Variants in EPHA2 observed in about 807,000 individuals in gnomAD.
The protein encoded by EPHA2 is ephrin type-A receptor 2.
Under a neutral mutation model 104.9 loss-of-function variants are expected in EPHA2, and 54 were observed. The observed-to-expected ratio is 0.51, with a 90% confidence interval of 0.41 to 0.65. The LOEUF (loss-of-function observed/expected upper bound fraction) is 0.65. EPHA2 is among the 30% of genes least tolerant of loss of function. The probability of loss-of-function intolerance (pLI) is 0.00; values close to 1 mark genes in which losing one functional copy is unlikely to be tolerated. For synonymous variants in EPHA2, 560 were observed against 559.1 expected (o/e 1.00, Z -0.02); for missense variants, 1,117 against 1,369.5 (o/e 0.82, Z 2.91).
At chr1:16,133,783 C>T in intron 9 of EPHA2, 77 bp downstream of exon 9, 1 of 1,496,384 alleles carries the variant, frequency 6.7e-7, no homozygotes, top group Admixed American at 2.2e-5. Flanking sequence ...TGGGAACACC[C>T]TGGCTGCCCC....
chr1:16,134,040 C>T lies in EPHA2; in HGVS notation c.1683-125G>A, dbSNP rs529445577. 8.8e-5 allele frequency: 84 copies of T among 953,024 alleles called. No homozygotes were observed. In the African/African-American group the frequency reaches 1.1e-3, roughly 13 times the overall value. 59.0% of individuals were successfully genotyped at this position (953,024 alleles called of 1,614,324 possible). On this transcript the variant is annotated intron_variant, in intron 8 of 16. Transcript: ENST00000358432. The surrounding 1 kb of genome is among the most constrained non-coding windows in gnomAD (Gnocchi z 4.5). ...GGTGCTCAGAATGCGGCCCAGTCCCCGCTTTTGCTGCCCAAGCTCCACTCT... is the reference window on the plus strand; with the variant it reads ...GGTGCTCAGAATGCGGCCCAGTCCCTGCTTTTGCTGCCCAAGCTCCACTCT...
chr1:16,155,057 G>A (rs996849213), intron 1 of EPHA2, among the ~76,000 whole-genome samples: 16 of 152,068 alleles, frequency 1.1e-4, no homozygotes, highest in Non-Finnish European at 1.9e-4. Flanking sequence ...ACACTGGGGC[G>A]GGGGTGGGTG....
At chr1:16,132,607 G>A (rs1000430607) in intron 11 of EPHA2, among the ~76,000 whole-genome samples, 168 bp from the exon 12 acceptor site, 2 of 147,080 alleles carry the variant, frequency 1.4e-5, no homozygotes, top group South Asian at 2.2e-4. Context: ...AGAGGTGTGG[G>A]GAAAGCTGGG....
At position 16,135,279 on chromosome 1, in the gene EPHA2, G is replaced by C. The variant is rs1252156254; in HGVS notation, c.1429-90C>G. On this transcript the variant is annotated intron_variant, in intron 6 of 16. Transcript: ENST00000358432. The surrounding 1 kb of genome is among the most constrained non-coding windows in gnomAD (Gnocchi z 4.3). Reference sequence around the variant, plus strand: ...GCTGGAGACCACCCCAAGCTAGCAAGGTGGCTTGCCTTTGTTAGCAAACTT... The same window carrying C: ...GCTGGAGACCACCCCAAGCTAGCAACGTGGCTTGCCTTTGTTAGCAAACTT... 1 of 1,566,722 alleles carries C rather than the reference G, an allele frequency of 6.4e-7. No homozygotes were observed. Among genetic ancestry groups the C allele is most frequent in the Admixed American group, 1.7e-5 (1 of 58,936 alleles).
chr1:16,133,682 G>A, intron 9 of EPHA2, 76 bp from the exon 10 acceptor site: 2 of 1,599,530 alleles, frequency 1.3e-6, no homozygotes, highest in South Asian at 1.1e-5. Context: ...CAGAGGAGAA[G>A]GTCACGTGAT....
chr1:16,143,208 A>T (rs1034724251), intron 3 of EPHA2, among the ~76,000 whole-genome samples: 1 of 135,882 alleles, frequency 7.4e-6, no homozygotes, highest in East Asian at 2.4e-4. Context: ...GGATGGATGT[A>T]GGGGTGGATG....
intron 11 of EPHA2, 180 bp downstream of exon 11, chr1:16,133,000 G>A (rs1381978712): frequency 1.3e-6 from 1 of 771,852 alleles, no homozygotes. Flanking sequence ...GGGGGAAGGT[G>A]GGCACAGGTG....
chr1:16,149,822 C>A (rs187716880), intron 2 of EPHA2, among the ~76,000 whole-genome samples: 1 of 152,326 alleles, frequency 6.6e-6, no homozygotes, highest in East Asian at 1.9e-4. Flanking sequence ...CCAGAGTCTG[C>A]ATCTAATTCA....
intron 1 of EPHA2, among the ~76,000 whole-genome samples, chr1:16,154,376 C>T (rs2025107515): frequency 6.6e-6 from 1 of 152,142 alleles, no homozygotes; most frequent in African/African-American, 2.4e-5. Context: ...CAACACCTGC[C>T]ACTGCCCAAC....
chr1:16,132,321 G>A (rs1347602329), intron 12 of EPHA2, 48 bp from the exon 13 acceptor site: 1 of 1,613,976 alleles, frequency 6.2e-7, no homozygotes, highest in Admixed American at 1.7e-5. Flanking sequence ...GAACCCGCCA[G>A]GCCAGCCCCG....
At chr1:16,143,698 A>G (rs1434844760) in intron 3 of EPHA2, among the ~76,000 whole-genome samples, 3 of 152,126 alleles carry the variant, frequency 2.0e-5, no homozygotes, top group Non-Finnish European at 4.4e-5. Context: ...TGAGGTCAAG[A>G]GGTCATGGTG....
In EPHA2 at chr1:16,155,997, C is replaced by T; in HGVS notation, c.-65G>A. 3.0e-6 allele frequency: 4 copies of T among 1,354,422 alleles called. 1 individual carries two copies. The highest frequency in any genetic ancestry group is 5.2e-4 in the Middle Eastern group (2 of 3,848). 83.9% of individuals were successfully genotyped at this position (1,354,422 alleles called of 1,614,324 possible). On this transcript the variant is annotated 5_prime_UTR_variant, in exon 1 of 17. In the 5' UTR this introduces an upstream ATG that the reference lacks. Coordinates refer to ENST00000358432, the MANE Select transcript of EPHA2 (RefSeq NM_004431.5). ...GCTCCCGCACACCCGCACGCCTGCA[C>T]GCCGGCCTCGGTGTCCGCTCCCGCC...
At chr1:16,141,396 T>C (rs2024822092) in intron 3 of EPHA2, among the ~76,000 whole-genome samples, 1 of 152,220 alleles carries the variant, frequency 6.6e-6, no homozygotes. Flanking sequence ...ATCTGCATGA[T>C]ACAAAAATAG....
At chr1:16,147,430 A>G (rs924660279) in intron 3 of EPHA2, among the ~76,000 whole-genome samples, 1 of 152,132 alleles carries the variant, frequency 6.6e-6, no homozygotes, top group Admixed American at 6.6e-5. Flanking sequence ...CCCGGGTCCA[A>G]CTCAGTCACT....
At position 16,150,574 on chromosome 1, in the gene EPHA2, G is replaced by T. The variant is rs2025014978; in HGVS notation, c.153+322C>A. 1.3e-5 allele frequency among the ~76,000 whole-genome samples: 2 copies of T among 152,210 alleles called. No homozygotes were observed. Among genetic ancestry groups the T allele is most frequent in the African/African-American group, 4.8e-5 (2 of 41,454 alleles). ...ACCCCTTCCCTCCCAAGAGGTGGAT[G>T]GGTGGTGCCAGAGATCCCTCTGACT... is the stretch of plus-strand genomic sequence containing the variant. On this transcript the variant is annotated intron_variant, in intron 2 of 16. Coordinates refer to ENST00000358432, the MANE Select transcript of EPHA2 (RefSeq NM_004431.5). This position sits in a 1 kb window ranked among gnomAD's most constrained non-coding sequence, Gnocchi z 4.8.
intron 3 of EPHA2, among the ~76,000 whole-genome samples, chr1:16,141,233 G>C (rs2024818436): frequency 6.6e-6 from 1 of 152,146 alleles, no homozygotes; most frequent in Non-Finnish European, 1.5e-5. Context: ...TCTCAAACTG[G>C]GCACTTTTGT....
At chr1:16,153,720 A>G (rs1192456851) in intron 1 of EPHA2, among the ~76,000 whole-genome samples, 5 of 152,312 alleles carry the variant, frequency 3.3e-5, no homozygotes, top group African/African-American at 1.2e-4. Flanking sequence ...AACAGGAGCC[A>G]CGTGGGCAAC....
rs140614115 is a variant in EPHA2, at chr1:16,149,938, A to G, written c.154-891T>C. ...ATGAATGAAAGCACAGGGGAGGAGG[A>G]CAGAGGCCCGGGCTATACTGTGTGG... On this transcript the variant is annotated intron_variant, in intron 2 of 16. Transcript: ENST00000358432. Among the ~76,000 whole-genome samples, 1,004 of 152,334 alleles carry G rather than the reference A, an allele frequency of 6.6e-3. 12 individuals are homozygous for G. Among genetic ancestry groups the G allele is most frequent in the African/African-American group, 0.022 (910 of 41,570 alleles).
Position 16,132,401 on chromosome 1 carries a change from C to T in EPHA2, c.2092G>A (p.Gly698Arg). ...MMIITEYMEN[G>R]ALDKFLREKD... The stretch of plus-strand genomic sequence containing the variant: ...ACCCGAAGGAACTTGTCCAGGGCCC[C>T]ATTCTCCATGTACTCAGTGATGATC... Residue 698 changes from glycine to arginine, a missense_variant, in exon 12 of 17, where the codon GGG becomes AGG. By Grantham distance (125) the Gly-to-Arg change is moderately radical. This residue lies in a region of EPHA2 where 340 missense variants were observed against 480.5 expected (regional missense o/e 0.71). Transcript: ENST00000358432. The T allele has an allele frequency of 1.2e-6, 2 of 1,614,134 alleles. No homozygotes were observed. The highest frequency in any genetic ancestry group is 1.7e-6 in the Non-Finnish European group (2 of 1,180,032).
Sources: gnomAD v4.1 joint callset for allele counts (sites outside exome capture counted in the v4.1 genomes callset) on GRCh38, gnomAD v4.1.1 for gene constraint, gnomAD v4.1.1 regional missense constraint, Gnocchi (gnomAD v3.1) non-coding constraint, MANE v1.5 for transcripts, NCBI Gene and HGNC (gene_info 2026-07-23, HGNC 2026-07-21) for gene names.